ZNF610: variants seen among roughly 807,000 people sequenced by gnomAD.
The protein encoded by ZNF610 is zink finger protein.
A neutral mutation model predicts 14.1 loss-of-function variants in ZNF610; 14 were observed. The ratio of observed to expected loss-of-function variants is 0.99; its 90% CI spans 0.65 to 1.55. The LOEUF (loss-of-function observed/expected upper bound fraction) is 1.55. ZNF610 is among the 40% of genes most tolerant of loss of function. ZNF610 has a pLI of 0.00. For missense variants in ZNF610, 530 were observed against 558.0 expected (o/e 0.95, Z 0.51); for synonymous variants, 185 against 187.6 (o/e 0.99, Z 0.11).
rs1480532996 is a variant in ZNF610 at position 52,343,223 on chromosome 19, C to A, written c.-257-4484C>A. On this transcript the variant is annotated intron_variant, in intron 1 of 5. Coordinates refer to ENST00000403906, the MANE Select transcript of ZNF610 (RefSeq NM_001161425.2). ...GTATTTAAAATGTAGGAGATATTTT[C>A]TTATTTGTGTTTTCATTTATAATAC... Among the ~76,000 whole-genome samples the A allele has an allele frequency of 3.9e-5, 6 of 152,306 alleles. No individual in the cohort carries two copies. In the East Asian group the frequency reaches 1.2e-3, roughly 29 times the overall value.
At chr19:52,341,569 A>G (rs1190912768) in intron 1 of ZNF610, among the ~76,000 whole-genome samples, 4 of 152,114 alleles carry the variant, frequency 2.6e-5, no homozygotes, top group African/African-American at 9.6e-5. Flanking sequence ...CGGCCTCCCA[A>G]AGTGCTGGGT....
At chr19:52,364,295 T>G (rs2560973) in intron 5 of ZNF610, among the ~76,000 whole-genome samples, 1 of 151,990 alleles carries the variant, frequency 6.6e-6, no homozygotes, top group Admixed American at 6.6e-5. Flanking sequence ...TTTTCTTTTT[T>G]AATTTTTTTC....
the ZNF610 span, among the ~76,000 whole-genome samples, chr19:52,330,696 G>A: frequency 3.9e-5 from 6 of 152,104 alleles, no homozygotes; most frequent in Non-Finnish European, 5.9e-5. Flanking sequence ...AGCCATGAGG[G>A]ACTCTCAGCA....
chr19:52,335,067 TG>T (rs3029517), upstream of ZNF610, among the ~76,000 whole-genome samples: 11,028 of 149,696 alleles, frequency 0.074, 438 homozygotes, highest in Middle Eastern at 0.12. Flanking sequence ...GGCCGGGGCG[TG>T]GGGGGGGGGT....
intron 1 of ZNF610, among the ~76,000 whole-genome samples, chr19:52,339,439 A>G (rs574817009): frequency 3.9e-5 from 6 of 152,150 alleles, no homozygotes; most frequent in Admixed American, 1.3e-4. Context: ...GCGGCCTTCC[A>G]CAGTGTATTG....
At chr19:52,352,585 ATTCTTTGTTAT>A (rs1952931482) in intron 3 of ZNF610, among the ~76,000 whole-genome samples, 1 of 152,116 alleles carries the variant, frequency 6.6e-6, no homozygotes, top group Non-Finnish European at 1.5e-5. Flanking sequence ...CCTAAATGGC[ATTCTTTGTTAT>A]GGTTACAATC....
chr19:52,333,121 G>A (rs1483766783), upstream of ZNF610, among the ~76,000 whole-genome samples: 2 of 152,146 alleles, frequency 1.3e-5, no homozygotes, highest in African/African-American at 4.8e-5. Flanking sequence ...AAGGACAGAG[G>A]ATACACTACA....
intron 3 of ZNF610, 64 bp from the exon 4 acceptor site, chr19:52,353,618 A>G: frequency 6.4e-7 from 1 of 1,569,882 alleles, no homozygotes; most frequent in Non-Finnish European, 8.7e-7. Flanking sequence ...AAAAATGTTT[A>G]TCAACTAAAT....
chr19:52,366,779 T>C lies in ZNF610; in HGVS notation c.*12T>C, dbSNP rs1986116986. The C allele has an allele frequency of 3.1e-6, 5 of 1,593,774 alleles. No homozygotes were observed. Among genetic ancestry groups the C allele is most frequent in the Non-Finnish European group, 3.4e-6 (4 of 1,166,424 alleles). ...TACAGATGGAATGAATGTGGCAAAA[T>C]CTTTAGTTAGAATTCACACCTAGCA... On this transcript the variant is annotated 3_prime_UTR_variant, in exon 6 of 6. Transcript: ENST00000403906.
chr19:52,361,927 T>G lies in ZNF610; in HGVS notation c.320-3771T>G, dbSNP rs1985801764. On this transcript the variant is annotated intron_variant, in intron 5 of 5. Transcript: ENST00000403906. Reference sequence around the variant, plus strand: ...TTAGATTGTTTACATGTAACTTTATTTATTTATTTTAGTGATGAGGTCTCA... The same window carrying G: ...TTAGATTGTTTACATGTAACTTTATGTATTTATTTTAGTGATGAGGTCTCA... 2.6e-5 allele frequency among the ~76,000 whole-genome samples: 4 copies of G among 152,300 alleles called. No individual in the cohort carries two copies. The South Asian group carries it at 8.3e-4, about 32-fold the overall frequency.
At chr19:52,359,131 G>A (rs530726136) in intron 5 of ZNF610, among the ~76,000 whole-genome samples, 38 of 152,306 alleles carry the variant, frequency 2.5e-4, no homozygotes, top group African/African-American at 7.7e-4. Flanking sequence ...TGAGGCACAT[G>A]TGTGATTTCA....
intron 5 of ZNF610, among the ~76,000 whole-genome samples, chr19:52,364,488 CTCT>C (rs1415298606): frequency 1.3e-5 from 2 of 152,184 alleles, no homozygotes; most frequent in African/African-American, 4.8e-5. Flanking sequence ...CCTTCCTCAG[CTCT>C]TCTTTATTCA....
chr19:52,336,238 T>A (rs1984368189), upstream of ZNF610: 2 of 248,224 alleles, frequency 8.1e-6, no homozygotes, highest in Non-Finnish European at 1.6e-5. Context: ...CGCGCGCAGT[T>A]TTTTGCAGAC....
At chr19:52,351,624 G>A (rs890224055) in intron 3 of ZNF610, among the ~76,000 whole-genome samples, 2 of 152,048 alleles carry the variant, frequency 1.3e-5, no homozygotes, top group Non-Finnish European at 2.9e-5. Context: ...TGAAGAGGGT[G>A]GCCAGGTTCT....
chr19:52,352,392 C>T (rs1985299015), intron 3 of ZNF610, among the ~76,000 whole-genome samples: 1 of 152,010 alleles, frequency 6.6e-6, no homozygotes, highest in African/African-American at 2.4e-5. Flanking sequence ...GCATGTGCCA[C>T]CACGCCTGGC....
At position 52,366,121 on chromosome 19, in the gene ZNF610, T is replaced by C. The variant is rs1986029035; in HGVS notation, c.743T>C (p.Val248Ala). The change falls in exon 6 of 6, where the codon GTA (valine) becomes GCA (alanine). Residue 248 changes from valine to alanine, a missense_variant. Transcript: ENST00000403906. ...GKVFSRNSHL[V>A]EHWRIHTGQK... ...GTCTTCAGTCGCAATTCACACCTTG[T>C]AGAACATTGGAGAATTCATACTGGA... 5.0e-6 allele frequency: 8 copies of C among 1,613,550 alleles called. No individual in the cohort carries two copies. The South Asian group carries it at 6.6e-5, about 13-fold the overall frequency.
At chr19:52,361,323 C>T (rs953729237) in intron 5 of ZNF610, among the ~76,000 whole-genome samples, 67 of 152,042 alleles carry the variant, frequency 4.4e-4, no homozygotes, top group African/African-American at 1.4e-3. Flanking sequence ...GGATTACAGG[C>T]GTGCACCACC....
chr19:52,341,199 T>G (rs943442660), intron 1 of ZNF610, among the ~76,000 whole-genome samples: 1 of 152,228 alleles, frequency 6.6e-6, no homozygotes, highest in East Asian at 1.9e-4. Flanking sequence ...TCTCTTCAAT[T>G]CTTGCCCCTA....
At chr19:52,335,950 C>G (rs555920658), upstream of ZNF610, among the ~76,000 whole-genome samples, 2 of 151,902 alleles carry the variant, frequency 1.3e-5, no homozygotes, top group South Asian at 2.1e-4. Context: ...AGTGTAGACT[C>G]GAACTCCTGG....
Sources: gnomAD v4.1 joint callset for allele counts (sites outside exome capture counted in the v4.1 genomes callset) on GRCh38, gnomAD v4.1.1 for gene constraint, MANE v1.5 for transcripts, NCBI Gene and HGNC (gene_info 2026-07-23, HGNC 2026-07-21) for gene names.